WNT16: variants seen among roughly 807,000 people sequenced by gnomAD.
The protein encoded by WNT16 is Wnt family member 16.
A neutral mutation model predicts 35.4 loss-of-function variants in WNT16; 20 were observed. That is an observed-to-expected ratio of 0.56 (90% CI 0.40 to 0.82). The LOEUF (loss-of-function observed/expected upper bound fraction) is 0.82, where lower values mean the gene tolerates loss of function less well. Ranked by LOEUF, WNT16 falls within the 40% of genes least tolerant of loss-of-function variation. The pLI, the probability that WNT16 is intolerant of heterozygous loss-of-function variation, is 0.00. For synonymous variants in WNT16, 180 were observed against 179.2 expected (o/e 1.00, Z -0.03); for missense variants, 461 against 466.0 (o/e 0.99, Z 0.10).
At chr7:121,327,349 C>CTTTTTT (rs34420179), upstream of WNT16, among the ~76,000 whole-genome samples, 3 of 121,576 alleles carry the variant, frequency 2.5e-5, no homozygotes, top group Non-Finnish European at 3.4e-5. Context: ...CTATCTAATC[C>CTTTTTT]TTTTTTTTTT....
intron 3 of WNT16, among the ~76,000 whole-genome samples, chr7:121,335,433 T>G (rs1212985027): frequency 6.6e-6 from 1 of 152,050 alleles, no homozygotes; most frequent in Admixed American, 6.6e-5. Flanking sequence ...TCTGACATAG[T>G]TTAAAAATAT....
At chr7:121,338,103 C>T (rs1164966662) in intron 3 of WNT16, among the ~76,000 whole-genome samples, 5 of 152,168 alleles carry the variant, frequency 3.3e-5, no homozygotes, top group African/African-American at 1.2e-4. Flanking sequence ...GCATAGTTCA[C>T]CACCTCCACC....
At chr7:121,335,089 C>G (rs1793418945) in intron 3 of WNT16, among the ~76,000 whole-genome samples, 1 of 152,102 alleles carries the variant, frequency 6.6e-6, no homozygotes, top group Non-Finnish European at 1.5e-5. Context: ...ATCCTACATA[C>G]ACCCATCCAA....
In WNT16 at chr7:121,339,659, T is replaced by C; in HGVS notation, c.*314T>C. Reference sequence around the variant, plus strand: ...AAGAAATAACAGGAAAGATCCCTTATGCCAGGAGGCCTGCCATACTCAGGA... The same window carrying C: ...AAGAAATAACAGGAAAGATCCCTTACGCCAGGAGGCCTGCCATACTCAGGA... On this transcript the variant is annotated 3_prime_UTR_variant, in exon 4 of 4. Coordinates refer to ENST00000222462, the MANE Select transcript of WNT16 (RefSeq NM_057168.2). The C allele has an allele frequency of 4.4e-6, 2 of 450,128 alleles. No individual in the cohort carries two copies. The highest frequency in any genetic ancestry group is 7.8e-6 in the Non-Finnish European group (2 of 255,416). The allele number at this position is 450,128 out of a possible 1,614,324, so 27.9% of individuals were successfully genotyped here.
chr7:121,325,817 G>T (rs1016791042), upstream of WNT16, among the ~76,000 whole-genome samples: 2 of 151,958 alleles, frequency 1.3e-5, no homozygotes, highest in African/African-American at 4.8e-5. Context: ...GAGGCAGGAG[G>T]ATTGTTTGAG....
In WNT16 at chr7:121,339,979, T is replaced by C. The variant is rs1195004088; in HGVS notation, c.*634T>C. ...TAAAAAAATGATCATTACAGATGTTTAGTGACAAAGAATCAATATGTAAAA... is the reference window on the plus strand; with the variant it reads ...TAAAAAAATGATCATTACAGATGTTCAGTGACAAAGAATCAATATGTAAAA... On this transcript the variant is annotated 3_prime_UTR_variant, in exon 4 of 4. Coordinates refer to ENST00000222462, the MANE Select transcript of WNT16 (RefSeq NM_057168.2). The C allele has an allele frequency of 6.6e-6, 1 of 152,420 alleles. No individual in the cohort carries two copies. Among genetic ancestry groups the C allele is most frequent in the Non-Finnish European group, 1.5e-5 (1 of 68,172 alleles). 9.4% of individuals were successfully genotyped at this position (152,420 alleles called of 1,614,324 possible).
upstream of WNT16, among the ~76,000 whole-genome samples, chr7:121,327,228 A>G (rs1390476917): frequency 6.6e-6 from 1 of 152,208 alleles, no homozygotes; most frequent in Non-Finnish European, 1.5e-5. Flanking sequence ...AACCTGGTAC[A>G]TAGTGTACAC....
upstream of WNT16, among the ~76,000 whole-genome samples, chr7:121,326,658 A>C (rs1193421683): frequency 6.6e-6 from 1 of 152,112 alleles, no homozygotes; most frequent in East Asian, 1.9e-4. Context: ...TACTTTGTAC[A>C]TTTATTGCAC....
chr7:121,338,864 A>G lies in WNT16; in HGVS notation c.634-17A>G, dbSNP rs190469563. On this transcript the variant is annotated splice_polypyrimidine_tract_variant and intron_variant, in intron 3 of 3. Transcript: ENST00000222462. Reference sequence around the variant, plus strand: ...ACTTTATGATTGATAGTTGAACACAATTACTGTTGGTTTCAGGCTGTCGCC... The same window carrying G: ...ACTTTATGATTGATAGTTGAACACAGTTACTGTTGGTTTCAGGCTGTCGCC... 1,212 of 1,604,808 alleles carry G rather than the reference A, an allele frequency of 7.6e-4. 3 individuals carry two copies. The highest frequency in any genetic ancestry group is 9.7e-4 in the Non-Finnish European group (1,143 of 1,175,400).
chr7:121,329,548 G>C lies in WNT16; in HGVS notation c.96-19G>C, dbSNP rs776762078. The C allele has an allele frequency of 1.2e-6, 2 of 1,611,870 alleles. No individual in the cohort carries two copies. The highest frequency in any genetic ancestry group is 1.1e-5 in the South Asian group (1 of 90,994). On this transcript the variant is annotated intron_variant, in intron 1 of 3. Coordinates refer to ENST00000222462, the MANE Select transcript of WNT16 (RefSeq NM_057168.2). ...GAATTGGGGAGCGGCTTAACGCTAC[G>C]GGCGGCCGTGTCTTACAGGTGGTTG... is the stretch of plus-strand genomic sequence containing the variant.
chr7:121,330,714 G>GA (rs11371537), intron 2 of WNT16, among the ~76,000 whole-genome samples: 36,390 of 87,910 alleles, frequency 0.41, 6,557 homozygotes, highest in African/African-American at 0.57. Flanking sequence ...CCCGTAGAGA[G>GA]AAAAAAAAAA....
chr7:121,330,564 C>A (rs900034052), intron 2 of WNT16, among the ~76,000 whole-genome samples: 1 of 152,088 alleles, frequency 6.6e-6, no homozygotes, highest in Non-Finnish European at 1.5e-5. Flanking sequence ...CTGAAGGATG[C>A]GCTGTCGTTT....
chr7:121,335,091 C>A (rs1412453016), intron 3 of WNT16, among the ~76,000 whole-genome samples: 1 of 152,066 alleles, frequency 6.6e-6, no homozygotes, highest in African/African-American at 2.4e-5. Context: ...CCTACATACA[C>A]CCATCCAACC....
At chr7:121,332,864 A>T (rs1421756053) in intron 3 of WNT16, among the ~76,000 whole-genome samples, 1 of 152,098 alleles carries the variant, frequency 6.6e-6, no homozygotes, top group Non-Finnish European at 1.5e-5. Flanking sequence ...ACCATCCTTT[A>T]TGAATTCTAC....
At chr7:121,326,933 G>T (rs780817057), upstream of WNT16, among the ~76,000 whole-genome samples, 1 of 152,184 alleles carries the variant, frequency 6.6e-6, no homozygotes, top group Non-Finnish European at 1.5e-5. Flanking sequence ...AAAAACTGTA[G>T]TTCCAGCATT....
In WNT16 at chr7:121,340,052, C is replaced by G. The variant is rs1240701768; in HGVS notation, c.*707C>G. The G allele has an allele frequency of 1.3e-5, 2 of 152,082 alleles. No individual in the cohort carries two copies. The highest frequency in any genetic ancestry group is 4.8e-5 in the African/African-American group (2 of 41,434). 9.4% of individuals were successfully genotyped at this position (152,082 alleles called of 1,614,324 possible). On this transcript the variant is annotated 3_prime_UTR_variant, in exon 4 of 4. Transcript: ENST00000222462. The stretch of plus-strand genomic sequence containing the variant: ...TTAAGTGCCTTTTCACTGGGAGAAT[C>G]TGGAAAAACCTCCATAAGGTATATA...
Position 121,329,051 on chromosome 7 carries a change from C to T in WNT16, c.-242C>T. ...GAGGGGCGCTCCCGCATCTCCTGCA[C>T]ATCTCCACCCCTGCGCAGGAGGAGA... On this transcript the variant is annotated 5_prime_UTR_variant, in exon 1 of 4. Coordinates refer to ENST00000222462, the MANE Select transcript of WNT16 (RefSeq NM_057168.2). 8.0e-7 allele frequency: 1 copy of T among 1,255,836 alleles called. No homozygotes were observed. Among genetic ancestry groups the T allele is most frequent in the Non-Finnish European group, 1.0e-6 (1 of 1,000,274 alleles). 77.8% of individuals were successfully genotyped at this position (1,255,836 alleles called of 1,614,324 possible). A position where few individuals can be genotyped will look rare whatever the true frequency, so the allele number is the denominator to read the frequency against.
upstream of WNT16, chr7:121,325,519 T>G (rs1295396914): frequency 1.9e-6 from 3 of 1,582,770 alleles, no homozygotes; most frequent in Non-Finnish European, 2.6e-6. Context: ...AACAACTTTT[T>G]CAATGTTTCA....
upstream of WNT16, chr7:121,328,857 C>G (rs530042848): frequency 7.4e-4 from 158 of 214,900 alleles, no homozygotes; most frequent in Non-Finnish European, 9.0e-4. Context: ...GAGCGCCCCC[C>G]GCGGAGCCGC....
Sources: allele counts gnomAD v4.1 joint callset (sites outside exome capture counted in the v4.1 genomes callset), GRCh38; gene constraint gnomAD v4.1.1; transcripts MANE v1.5; gene names NCBI Gene and HGNC (gene_info 2026-07-23, HGNC 2026-07-21).